NRIP1: variants seen among roughly 807,000 people sequenced by gnomAD.
The protein encoded by NRIP1 is nuclear receptor interacting protein 1, also known as nuclear receptor-interacting protein 1.
A neutral mutation model predicts 75.0 loss-of-function variants in NRIP1; 28 were observed. The ratio of observed to expected loss-of-function variants is 0.37; its 90% CI spans 0.28 to 0.51. NRIP1 has a LOEUF of 0.51. Among genes scored for constraint, NRIP1 ranks in the 20% least tolerant of loss-of-function variants. The pLI is 0.92. For synonymous variants in NRIP1, 526 were observed against 487.6 expected (o/e 1.08, Z -1.04); for missense variants, 1,435 against 1,343.7 (o/e 1.07, Z -1.06).
At chr21:15,065,677 C>T (rs1978826928), upstream of NRIP1, 2 of 152,438 alleles carry the variant, frequency 1.3e-5, no homozygotes, top group South Asian at 4.1e-4. Flanking sequence ...GTAGTAGGCG[C>T]CCAGCACTCG....
chr21:14,964,669 A>G lies in NRIP1; in HGVS notation c.*47T>C, dbSNP rs2146911973. 6.0e-6 allele frequency: 8 copies of G among 1,342,718 alleles called. No homozygotes were observed. Among genetic ancestry groups the G allele is most frequent in the Non-Finnish European group, 7.1e-6 (7 of 982,886 alleles). The allele number at this position is 1,342,718 out of a possible 1,614,324, so 83.2% of individuals were successfully genotyped here. A position where few individuals can be genotyped will look rare whatever the true frequency, so the allele number is the denominator to read the frequency against. On this transcript the variant is annotated 3_prime_UTR_variant, in exon 4 of 4. Transcript: ENST00000318948. ...TCTTATTTATACAGATCTCAAGTTCATACTCATTAGTTTTAAAAAGATCCA... is the reference window on the plus strand; with the variant it reads ...TCTTATTTATACAGATCTCAAGTTCGTACTCATTAGTTTTAAAAAGATCCA...
chr21:15,041,719 A>T (rs1348753121), intron 2 of NRIP1, among the ~76,000 whole-genome samples: 1 of 152,158 alleles, frequency 6.6e-6, no homozygotes, highest in Non-Finnish European at 1.5e-5. Context: ...TCATATTAGC[A>T]TTAAAATTAT....
At chr21:15,047,292 A>G (rs1373361747) in intron 1 of NRIP1, among the ~76,000 whole-genome samples, 1 of 108,106 alleles carries the variant, frequency 9.3e-6, no homozygotes, top group Admixed American at 9.0e-5. Flanking sequence ...CTGTAATTCC[A>G]GCACTTTGGG....
chr21:15,062,434 T>C (rs1043816952), intron 1 of NRIP1, among the ~76,000 whole-genome samples: 5 of 152,222 alleles, frequency 3.3e-5, no homozygotes, highest in Admixed American at 2.6e-4. Flanking sequence ...TTGGGAAGAT[T>C]TCTTGAATCT....
chr21:15,064,136 G>T (rs1051051766), intron 1 of NRIP1, among the ~76,000 whole-genome samples: 1 of 152,254 alleles, frequency 6.6e-6, no homozygotes, highest in African/African-American at 2.4e-5. Context: ...CCTAAATGGG[G>T]GCCGGCCCCT....
intron 1 of NRIP1, among the ~76,000 whole-genome samples, chr21:15,063,288 G>A (rs1225318529): frequency 6.6e-6 from 1 of 152,082 alleles, no homozygotes; most frequent in Admixed American, 6.5e-5. Context: ...CGAACTGCCG[G>A]GCAAAACCAG....
intron 1 of NRIP1, among the ~76,000 whole-genome samples, chr21:15,055,838 A>G (rs2089294178): frequency 6.6e-6 from 1 of 152,208 alleles, no homozygotes; most frequent in Non-Finnish European, 1.5e-5. Flanking sequence ...AAATGCAGAT[A>G]GTAACTGTTT....
At chr21:14,996,540 G>A (rs1327946077) in intron 3 of NRIP1, among the ~76,000 whole-genome samples, 1 of 152,102 alleles carries the variant, frequency 6.6e-6, no homozygotes, top group Non-Finnish European at 1.5e-5. Context: ...TTATTCCCTA[G>A]CAGAGCACCT....
In NRIP1 at chr21:14,962,016, TA is replaced by T. The variant is rs1246206805; in HGVS notation, c.*2699del. On this transcript the variant is annotated 3_prime_UTR_variant, in exon 4 of 4. Transcript: ENST00000318948. ...AGTCAATATATATATATATACATAT[TA>T]TATATATATATATATATATATATAT... 79 of 6,924 alleles carry T rather than the reference TA, an allele frequency of 0.011. No homozygotes were observed. The African/African-American group carries it at 0.24, about 21-fold the overall frequency. 0.4% of individuals were successfully genotyped at this position (6,924 alleles called of 1,614,324 possible). A position where few individuals can be genotyped will look rare whatever the true frequency, so the allele number is the denominator to read the frequency against.
intron 2 of NRIP1, among the ~76,000 whole-genome samples, chr21:15,038,334 T>C (rs1162487452): frequency 1.3e-5 from 2 of 152,060 alleles, no homozygotes; most frequent in Non-Finnish European, 2.9e-5. Flanking sequence ...AGATACCACC[T>C]GTATAAAATG....
chr21:14,989,694 T>C (rs1235840465), intron 3 of NRIP1, among the ~76,000 whole-genome samples: 1 of 152,128 alleles, frequency 6.6e-6, no homozygotes, highest in Non-Finnish European at 1.5e-5. Flanking sequence ...TCCATTAAAA[T>C]TAAAAGTAGA....
At chr21:15,046,796 C>T (rs951461849) in intron 1 of NRIP1, among the ~76,000 whole-genome samples, 2 of 152,180 alleles carry the variant, frequency 1.3e-5, no homozygotes, top group Admixed American at 6.5e-5. Context: ...GCTTCTACAT[C>T]AGCATTACCT....
At chr21:15,019,622 G>A (rs1057005591) in intron 2 of NRIP1, among the ~76,000 whole-genome samples, 3 of 151,262 alleles carry the variant, frequency 2.0e-5, no homozygotes, top group Non-Finnish European at 4.4e-5. Context: ...CCAAGTAGCT[G>A]GGATTACAGG....
rs2086634891 is a variant in NRIP1 at position 14,963,186 on chromosome 21, G to C, written c.*1530C>G. The C allele has an allele frequency of 6.6e-6, 1 of 152,452 alleles. No individual in the cohort carries two copies. The highest frequency in any genetic ancestry group is 2.4e-5 in the African/African-American group (1 of 41,412). 9.4% of individuals were successfully genotyped at this position (152,452 alleles called of 1,614,324 possible). ...TGTACTTTTTATTTAGTCAATCTGA[G>C]TTTAGTGCCCTTCTTGGGTTTAAAC... On this transcript the variant is annotated 3_prime_UTR_variant, in exon 4 of 4. Transcript: ENST00000318948.
chr21:15,050,991 T>A, intron 1 of NRIP1: 1 of 437,290 alleles, frequency 2.3e-6, no homozygotes, highest in Admixed American at 2.5e-5. Flanking sequence ...GTAGTAGCAG[T>A]AGCATTTACC....
chr21:15,063,865 A>T (rs892391485), intron 1 of NRIP1, among the ~76,000 whole-genome samples: 1 of 152,216 alleles, frequency 6.6e-6, no homozygotes, highest in Non-Finnish European at 1.5e-5. Flanking sequence ...GACGTGATAA[A>T]AGGTAGAAAC....
intron 2 of NRIP1, among the ~76,000 whole-genome samples, chr21:15,014,999 A>T (rs1455124588): frequency 6.6e-6 from 1 of 152,206 alleles, no homozygotes; most frequent in African/African-American, 2.4e-5. Context: ...TTTAATAGTC[A>T]AAAACTGGAA....
chr21:14,978,847 T>C (rs1365621450), intron 3 of NRIP1, among the ~76,000 whole-genome samples: 1 of 152,218 alleles, frequency 6.6e-6, no homozygotes, highest in Non-Finnish European at 1.5e-5. Context: ...ATCAAAGATC[T>C]AGACAAAGGA....
chr21:14,981,766 T>C (rs1445712652), intron 3 of NRIP1, among the ~76,000 whole-genome samples: 1 of 152,222 alleles, frequency 6.6e-6, no homozygotes, highest in Non-Finnish European at 1.5e-5. Context: ...ATCATTTTTC[T>C]GTTGCTTTTT....
Sources: allele counts gnomAD v4.1 joint callset (sites outside exome capture counted in the v4.1 genomes callset), GRCh38; gene constraint gnomAD v4.1.1; transcripts MANE v1.5; gene names NCBI Gene and HGNC (gene_info 2026-07-23, HGNC 2026-07-21).